The following CDC40 variants were observed in gnomAD, a reference collection of about 807,000 sequenced individuals.
CDC40 encodes the protein cell division cycle 40, also known as pre-mRNA-processing factor 17.
In CDC40, 27 loss-of-function variants were observed where a neutral mutation model predicts 80.6. The ratio of observed to expected loss-of-function variants is 0.33; its 90% confidence interval spans 0.25 to 0.46. The LOEUF (loss-of-function observed/expected upper bound fraction) is 0.46, where lower values mean the gene tolerates loss of function less well. Ranked by LOEUF, CDC40 falls within the 20% of genes least tolerant of loss-of-function variation. CDC40 has a pLI of 1.00. For missense variants in CDC40, 486 were observed against 694.1 expected (o/e 0.70, Z 3.37); for synonymous variants, 221 against 232.6 (o/e 0.95, Z 0.45).
At chr6:110,196,535 A>G (rs1777421179) in intron 2 of CDC40, among the ~76,000 whole-genome samples, 1 of 152,194 alleles carries the variant, frequency 6.6e-6, no homozygotes, top group Admixed American at 6.5e-5. Flanking sequence ...AGTCTCAGGA[A>G]GAATTCCAGA....
intron 10 of CDC40, among the ~76,000 whole-genome samples, chr6:110,218,545 G>A (rs979221691): frequency 6.6e-6 from 1 of 152,086 alleles, no homozygotes; most frequent in Non-Finnish European, 1.5e-5. Context: ...GCAGACTTGG[G>A]TTCAAACGAA....
chr6:110,194,530 T>C, intron 2 of CDC40, among the ~76,000 whole-genome samples: 1 of 152,196 alleles, frequency 6.6e-6, no homozygotes, highest in East Asian at 1.9e-4. Context: ...TCACTGAGTC[T>C]GCACTTAGCA....
intron 3 of CDC40, among the ~76,000 whole-genome samples, chr6:110,205,425 T>C (rs1047759070): frequency 1.1e-4 from 16 of 152,228 alleles, no homozygotes; most frequent in Non-Finnish European, 2.4e-4. Flanking sequence ...GGCTGATTTG[T>C]AGTAAGACAT....
chr6:110,200,223 T>C (rs541942444), intron 2 of CDC40, among the ~76,000 whole-genome samples: 2 of 152,352 alleles, frequency 1.3e-5, no homozygotes, highest in African/African-American at 4.8e-5. Flanking sequence ...CAATTTATTT[T>C]CTTCTAAAGC....
At chr6:110,188,639 G>A (rs1777304908) in intron 1 of CDC40, among the ~76,000 whole-genome samples, 1 of 152,134 alleles carries the variant, frequency 6.6e-6, no homozygotes, top group African/African-American at 2.4e-5. Context: ...TTGGGTGGGT[G>A]TATCTGTTGG....
intron 12 of CDC40, among the ~76,000 whole-genome samples, chr6:110,222,708 T>G (rs770077030): frequency 4.6e-5 from 7 of 152,216 alleles, no homozygotes; most frequent in Non-Finnish European, 7.3e-5. Context: ...TTAGCATACT[T>G]CAAGTACTTG....
intron 2 of CDC40, among the ~76,000 whole-genome samples, chr6:110,200,861 AAAT>A (rs2114656818): frequency 6.6e-6 from 1 of 152,336 alleles, no homozygotes; most frequent in East Asian, 1.9e-4. Context: ...TATTATAAGC[AAAT>A]AATAATTTGG....
At chr6:110,188,836 A>G (rs1238092134) in intron 1 of CDC40, among the ~76,000 whole-genome samples, 2 of 152,194 alleles carry the variant, frequency 1.3e-5, no homozygotes, top group African/African-American at 4.8e-5. Flanking sequence ...ATGGTAAACA[A>G]TTATCCTCAC....
chr6:110,220,545 C>T (rs920719038), intron 12 of CDC40, among the ~76,000 whole-genome samples: 9 of 150,712 alleles, frequency 6.0e-5, no homozygotes, highest in South Asian at 2.1e-4. Context: ...CCCGGGTTCA[C>T]GCCATTGTCC....
At chr6:110,189,221 A>C (rs913626713) in intron 1 of CDC40, among the ~76,000 whole-genome samples, 3 of 152,182 alleles carry the variant, frequency 2.0e-5, no homozygotes, top group Non-Finnish European at 4.4e-5. Context: ...TGGTGCTAGC[A>C]TGTTAGTGTT....
intron 5 of CDC40, among the ~76,000 whole-genome samples, chr6:110,209,728 G>A (rs1584074843): frequency 6.6e-6 from 1 of 152,060 alleles, no homozygotes; most frequent in Non-Finnish European, 1.5e-5. Flanking sequence ...GAGCCAGAGA[G>A]TGTTCTAGGT....
intron 2 of CDC40, 59 bp from the exon 3 acceptor site, chr6:110,201,499 T>A: frequency 7.6e-7 from 1 of 1,316,454 alleles, no homozygotes; most frequent in Non-Finnish European, 1.0e-6. Flanking sequence ...AACTTCCATA[T>A]ACTCAGAACT....
Position 110,201,664 on chromosome 6 carries a change from A to G in CDC40, c.383A>G (p.Gln128Arg). ...ATCAATGATTTCATGTTTGAGCAGC[A>G]AAGGAGAACTTTTGCAACATATGGT... ...AHINDFMFEQ[Q>R]RRTFATYGYA... is the part of the protein sequence containing the mutation. The change falls in exon 3 of 15, where the codon CAA (glutamine) becomes CGA (arginine). Residue 128 changes from glutamine to arginine, a missense_variant. By Grantham distance (43) the Gln-to-Arg change is conservative. Coordinates refer to ENST00000307731, the MANE Select transcript of CDC40 (RefSeq NM_015891.3). 6.2e-7 allele frequency: 1 copy of G among 1,613,654 alleles called. No homozygotes were observed. Among genetic ancestry groups the G allele is most frequent in the Non-Finnish European group, 8.5e-7 (1 of 1,179,700 alleles).
chr6:110,182,027 C>G (rs1017698416), intron 1 of CDC40, among the ~76,000 whole-genome samples: 9 of 152,176 alleles, frequency 5.9e-5, no homozygotes, highest in African/African-American at 2.2e-4. Flanking sequence ...TCAGGCTGTG[C>G]TGCTTCTAGC....
At chr6:110,209,048 TCA>T (rs1367106928) in intron 4 of CDC40, 34 bp from the exon 5 acceptor site, 2 of 1,233,172 alleles carry the variant, frequency 1.6e-6, no homozygotes, top group Non-Finnish European at 2.3e-6. Context: ...TTGTAATCTC[TCA>T]GTTTTTTTTT....
chr6:110,215,399 A>G, intron 9 of CDC40, 68 bp downstream of exon 9: 1 of 1,217,708 alleles, frequency 8.2e-7, no homozygotes, highest in Non-Finnish European at 1.2e-6. Flanking sequence ...ATCATTGACA[A>G]TAACTTTACT....
At position 110,180,625 on chromosome 6, in the gene CDC40, G is replaced by A. The variant is rs1191876020; in HGVS notation, c.181G>A (p.Ala61Thr). 5.6e-6 allele frequency: 9 copies of A among 1,611,942 alleles called. No homozygotes were observed. In the South Asian group the frequency reaches 6.6e-5, roughly 12 times the overall value. Residue 61 changes from alanine (A) to threonine (T), a missense_variant, in exon 1 of 15, where the codon GCA becomes ACA. Around this residue, in one of 3 missense-constraint regions of CDC40, gnomAD observed 381 missense variants for 492.1 expected, o/e 0.77. Transcript: ENST00000307731. ...AVAVDSAPEV[A>T]VKEDLETGVH... ...GGCAGTGGACTCGGCTCCGGAGGTG[G>A]CAGTTAAGGTAAGCACTTTTGCTAC...
At chr6:110,228,533 C>T (rs1777894594) in intron 13 of CDC40, among the ~76,000 whole-genome samples, 1 of 151,902 alleles carries the variant, frequency 6.6e-6, no homozygotes, top group Non-Finnish European at 1.5e-5. Context: ...CAACTTTTAG[C>T]TTATTTCTTT....
intron 2 of CDC40, among the ~76,000 whole-genome samples, chr6:110,200,501 T>G (rs990315074): frequency 1.3e-5 from 2 of 152,212 alleles, no homozygotes; most frequent in South Asian, 4.1e-4. Flanking sequence ...GAAGCTCATT[T>G]GATTCTTTAT....
Sources: allele counts gnomAD v4.1 joint callset (sites outside exome capture counted in the v4.1 genomes callset), GRCh38; gene constraint gnomAD v4.1.1; regional missense constraint gnomAD v4.1.1; transcripts MANE v1.5; gene names NCBI Gene and HGNC (gene_info 2026-07-23, HGNC 2026-07-21).